The following SCEL variants were observed in gnomAD, a reference collection of about 807,000 sequenced individuals.
SCEL encodes sciellin.
A neutral mutation model predicts 117.6 loss-of-function variants in SCEL; 113 were observed. That is an observed-to-expected ratio of 0.96 (90% CI 0.83 to 1.12). SCEL has a LOEUF of 1.12. Among genes scored for constraint, SCEL ranks in the 50% most tolerant of loss-of-function variants. The probability of loss-of-function intolerance (pLI) is 0.00; values close to 1 mark genes in which losing one functional copy is unlikely to be tolerated. For synonymous variants in SCEL, 270 were observed against 256.2 expected (o/e 1.05, Z -0.51); for missense variants, 785 against 810.8 (o/e 0.97, Z 0.39).
Position 77,578,690 on chromosome 13 carries a change from G to A in SCEL, c.545+6501G>A, listed in dbSNP as rs139636205. 2.5e-3 allele frequency among the ~76,000 whole-genome samples: 378 copies of A among 152,270 alleles called. 2 individuals carry two copies. The highest frequency in any genetic ancestry group is 8.3e-3 in the African/African-American group (345 of 41,542). On this transcript the variant is annotated intron_variant, in intron 9 of 32. Transcript: ENST00000349847. ...TTAAGCCCAGGGTGATTTTAAGCAT[G>A]GTAATGCCACTAATCAATGTGGGAA...
At position 77,634,432 on chromosome 13, in the gene SCEL, G is replaced by A; in HGVS notation, c.1745G>A (p.Arg582Lys). 6.2e-7 allele frequency: 1 copy of A among 1,611,952 alleles called. No individual in the cohort carries two copies. The highest frequency in any genetic ancestry group is 1.1e-5 in the South Asian group (1 of 90,844). The change falls in exon 29 of 33, where the codon AGG becomes AAG. Residue 582 changes from arginine (R) to lysine (K), a missense_variant. Arg to Lys is a conservative substitution (Grantham distance 26, BLOSUM62 2). Coordinates refer to ENST00000349847, the MANE Select transcript of SCEL (RefSeq NM_144777.3). ...AGPQDTVVYT[R>K]TYVENSKSPK... ...CCACAGGATACTGTTGTGTACACAA[G>A]GACATATGTGGAGAATAGGTATTCA...
chr13:77,640,874 C>A, intron 31 of SCEL, 90 bp downstream of exon 31: 1 of 637,402 alleles, frequency 1.6e-6, no homozygotes, highest in Non-Finnish European at 2.6e-6. Context: ...TGAGATGAAG[C>A]AAAAACTTTC....
intron 23 of SCEL, among the ~76,000 whole-genome samples, chr13:77,613,323 T>C (rs895317704): frequency 3.9e-4 from 59 of 152,170 alleles, no homozygotes; most frequent in African/African-American, 1.4e-3. Flanking sequence ...AAATGACTTG[T>C]GAAAAAACTG....
chr13:77,567,290 C>T (rs939050758), intron 5 of SCEL, among the ~76,000 whole-genome samples: 2 of 152,016 alleles, frequency 1.3e-5, no homozygotes, highest in Non-Finnish European at 2.9e-5. Context: ...CTCTTCTCTA[C>T]TAAAAATACA....
chr13:77,588,143 C>A (rs755732267), intron 9 of SCEL, among the ~76,000 whole-genome samples: 17 of 152,132 alleles, frequency 1.1e-4, no homozygotes, highest in Non-Finnish European at 2.2e-4. Context: ...CCTTTGAGAA[C>A]AAGGACATTA....
chr13:77,615,035 TTTAA>T lies in SCEL; in HGVS notation c.1451+1082_1451+1085del, dbSNP rs2088922001. 2.6e-5 allele frequency among the ~76,000 whole-genome samples: 4 copies of T among 152,280 alleles called. No homozygotes were observed. The South Asian group carries it at 8.3e-4, about 32-fold the overall frequency. On this transcript the variant is annotated intron_variant, in intron 24 of 32. Coordinates refer to ENST00000349847, the MANE Select transcript of SCEL (RefSeq NM_144777.3). ...CACCAAGACAATAATAGGTTGTCAG[TTTAA>T]TATATTACATTTTGGAGCACTCATG...
chr13:77,540,036 A>G (rs547663601), intron 1 of SCEL, among the ~76,000 whole-genome samples: 2 of 152,328 alleles, frequency 1.3e-5, no homozygotes, highest in Non-Finnish European at 2.9e-5. Context: ...ACGGATAGCC[A>G]CAAAGCACAT....
rs1288546512 is a variant in SCEL, at chr13:77,540,210, A to C, written c.-20+4386A>C. ...TAAAAGAAAAATAAATATTTAGTTA[A>C]CCTCATGTTTGTTCAACAAATATTC... On this transcript the variant is annotated intron_variant, in intron 1 of 32. Coordinates refer to ENST00000349847, the MANE Select transcript of SCEL (RefSeq NM_144777.3). Among the ~76,000 whole-genome samples the C allele has an allele frequency of 5.9e-5, 9 of 152,364 alleles. No individual in the cohort carries two copies. In the East Asian group the frequency reaches 1.7e-3, roughly 29 times the overall value.
intron 18 of SCEL, 166 bp from the exon 19 acceptor site, chr13:77,604,190 A>G (rs2087937070): frequency 2.1e-6 from 1 of 465,502 alleles, no homozygotes; most frequent in African/African-American, 2.1e-5. Flanking sequence ...AATGGTCTTC[A>G]GCTCAAGTTG....
At chr13:77,564,357 T>C (rs1436335778) in intron 5 of SCEL, among the ~76,000 whole-genome samples, 1 of 152,188 alleles carries the variant, frequency 6.6e-6, no homozygotes, top group Non-Finnish European at 1.5e-5. Context: ...GTTAGCTCTT[T>C]ACTTTCTCTT....
At chr13:77,601,428 A>G (rs1402131224) in intron 15 of SCEL, among the ~76,000 whole-genome samples, 1 of 152,236 alleles carries the variant, frequency 6.6e-6, no homozygotes, top group Non-Finnish European at 1.5e-5. Context: ...GTCTTATCAC[A>G]GAGAAATCAG....
At chr13:77,594,037 T>C (rs1567393215) in intron 12 of SCEL, among the ~76,000 whole-genome samples, 1 of 151,982 alleles carries the variant, frequency 6.6e-6, no homozygotes, top group South Asian at 2.1e-4. Context: ...TTAAGTAGTA[T>C]CATGCATGCA....
chr13:77,601,114 C>CTTTTT, intron 15 of SCEL, among the ~76,000 whole-genome samples: 1 of 141,058 alleles, frequency 7.1e-6, no homozygotes, highest in Non-Finnish European at 1.5e-5. Context: ...AAAACAGTCT[C>CTTTTT]TTTTTTTTTT....
At position 77,623,673 on chromosome 13, in the gene SCEL, T is replaced by G. The variant is rs950207356; in HGVS notation, c.1629-4274T>G. Among the ~76,000 whole-genome samples the G allele has an allele frequency of 2.6e-5, 4 of 152,214 alleles. No homozygotes were observed. The East Asian group carries it at 7.7e-4, about 29-fold the overall frequency. On this transcript the variant is annotated intron_variant, in intron 27 of 32. Coordinates refer to ENST00000349847, the MANE Select transcript of SCEL (RefSeq NM_144777.3). ...TCTGTAGTTGTTGGATTTTTAAGAT[T>G]CTGGCTTCTTCTCCTTTCTCAGATC... is the stretch of plus-strand genomic sequence containing the variant.
At position 77,548,053 on chromosome 13, in the gene SCEL, C is replaced by T. The variant is rs148105835; in HGVS notation, c.-19-7804C>T. ...TATTCTACCCATATCCCACCTCAGT[C>T]CTCCTCTGACCTAGGCTTCTGCTGC... On this transcript the variant is annotated intron_variant, in intron 1 of 32. Transcript: ENST00000349847. Among the ~76,000 whole-genome samples the T allele has an allele frequency of 5.4e-4, 83 of 152,324 alleles. 1 individual carries two copies. Among genetic ancestry groups the T allele is most frequent in the Admixed American group, 9.8e-4 (15 of 15,310 alleles).
In SCEL at chr13:77,630,878, G is replaced by A. The variant is rs183608616; in HGVS notation, c.1691+2869G>A. Among the ~76,000 whole-genome samples the A allele has an allele frequency of 5.4e-4, 83 of 152,314 alleles. 1 individual carries two copies. The Middle Eastern group carries it at 0.014, about 25-fold the overall frequency. On this transcript the variant is annotated intron_variant, in intron 28 of 32. Transcript: ENST00000349847. ...AACTTCCTAACAATTAAGCCATCAAGTGACATATGCTATGAGTCATGAGTT... is the reference window on the plus strand; with the variant it reads ...AACTTCCTAACAATTAAGCCATCAAATGACATATGCTATGAGTCATGAGTT...
intron 19 of SCEL, among the ~76,000 whole-genome samples, chr13:77,606,959 T>C (rs2088249495): frequency 6.6e-6 from 1 of 152,162 alleles, no homozygotes; most frequent in South Asian, 2.1e-4. Context: ...AAAGCAAAAT[T>C]CCACTAAGAT....
At chr13:77,643,949 T>C (rs1325256135) in intron 32 of SCEL, among the ~76,000 whole-genome samples, 1 of 152,162 alleles carries the variant, frequency 6.6e-6, no homozygotes, top group Non-Finnish European at 1.5e-5. Context: ...GCTTAGTGGG[T>C]GTGATTACCA....
At chr13:77,576,240 T>A (rs932832278) in intron 9 of SCEL, among the ~76,000 whole-genome samples, 19 of 152,194 alleles carry the variant, frequency 1.2e-4, no homozygotes, top group African/African-American at 4.6e-4. Context: ...TATGATCTTG[T>A]GACCCTTCAA....
Sources: allele counts gnomAD v4.1 joint callset (sites outside exome capture counted in the v4.1 genomes callset), GRCh38; gene constraint gnomAD v4.1.1; transcripts MANE v1.5; gene names NCBI Gene and HGNC (gene_info 2026-07-23, HGNC 2026-07-21).